Variants in UNC13C observed in about 807,000 individuals in gnomAD.
The protein encoded by UNC13C is protein unc-13 homolog C.
Under a neutral mutation model 245.4 loss-of-function variants are expected in UNC13C, and 174 were observed. The ratio of observed to expected loss-of-function variants is 0.71; its 90% confidence interval spans 0.63 to 0.80. The LOEUF (loss-of-function observed/expected upper bound fraction) is 0.80, where lower values mean the gene tolerates loss of function less well. Among genes scored for constraint, UNC13C ranks in the 30% least tolerant of loss-of-function variants. The pLI, the probability that UNC13C is intolerant of heterozygous loss-of-function variation, is 0.00. For synonymous variants in UNC13C, 992 were observed against 895.1 expected (o/e 1.11, Z -1.93); for missense variants, 2,829 against 2,602.9 (o/e 1.09, Z -1.89).
At chr15:53,871,028 T>C in the UNC13C span, among the ~76,000 whole-genome samples, 1 of 152,208 alleles carries the variant, frequency 6.6e-6, no homozygotes, top group Non-Finnish European at 1.5e-5. Context: ...CCAGTCATGT[T>C]GTGCTCTAAT....
At chr15:54,504,980 A>G (rs771953187) in intron 22 of UNC13C, among the ~76,000 whole-genome samples, 5 of 152,150 alleles carry the variant, frequency 3.3e-5, no homozygotes, top group Non-Finnish European at 7.3e-5. Flanking sequence ...AAGATATTTC[A>G]GTCACCCTGT....
Position 54,163,049 on chromosome 15 carries a change from C to T in UNC13C, c.3071+19365C>T, listed in dbSNP as rs192396959. On this transcript the variant is annotated intron_variant, in intron 4 of 32. Transcript: ENST00000260323. Reference sequence around the variant, plus strand: ...AGCATAATGGCCCTGCAAAGATGTCCGCATCCTAATTCCTGGAACCTGTGA... The same window carrying T: ...AGCATAATGGCCCTGCAAAGATGTCTGCATCCTAATTCCTGGAACCTGTGA... 2.6e-4 allele frequency among the ~76,000 whole-genome samples: 39 copies of T among 152,204 alleles called. 1 individual carries two copies. The highest frequency in any genetic ancestry group is 4.6e-4 in the Admixed American group (7 of 15,282).
rs181675837 is a variant in UNC13C at position 54,257,308 on chromosome 15, T to C, written c.3449-6860T>C. ...ATAATTAATTTGTTCCCCTAAACAA[T>C]ATAGATAGCTTTTGACTCTGTGATG... On this transcript the variant is annotated intron_variant, in intron 8 of 32. Transcript: ENST00000260323. 1.4e-4 allele frequency among the ~76,000 whole-genome samples: 21 copies of C among 152,330 alleles called. No homozygotes were observed. The East Asian group carries it at 3.3e-3, about 24-fold the overall frequency.
At chr15:54,538,857 C>T (rs554732222) in intron 26 of UNC13C, among the ~76,000 whole-genome samples, 3 of 151,786 alleles carry the variant, frequency 2.0e-5, no homozygotes, top group African/African-American at 4.8e-5. Flanking sequence ...GAGTGGAGGG[C>T]GGGAGGAGGG....
At position 54,130,881 on chromosome 15, in the gene UNC13C, A is replaced by G. The variant is rs115317879; in HGVS notation, c.2984-12137A>G. ...ATAGCTTTTCTTGTTTACAGATTCT[A>G]TTGTACCTGGGTTTACCACTACTGT... On this transcript the variant is annotated intron_variant, in intron 2 of 32. Transcript: ENST00000260323. Among the ~76,000 whole-genome samples the G allele has an allele frequency of 5.7e-3, 865 of 152,222 alleles. 7 individuals carry two copies. The highest frequency in any genetic ancestry group is 0.02 in the African/African-American group (825 of 41,530).
chr15:53,839,142 G>A, the UNC13C span, among the ~76,000 whole-genome samples: 1 of 151,854 alleles, frequency 6.6e-6, no homozygotes, highest in African/African-American at 2.4e-5. Flanking sequence ...TATATGGGCA[G>A]GTGTGTGTGT....
At chr15:53,887,451 T>G in the UNC13C span, among the ~76,000 whole-genome samples, 1 of 152,210 alleles carries the variant, frequency 6.6e-6, no homozygotes. Flanking sequence ...CATTTTTTAC[T>G]GCTTATCCTC....
intron 14 of UNC13C, among the ~76,000 whole-genome samples, chr15:54,324,530 T>G (rs1567187742): frequency 6.6e-6 from 1 of 152,040 alleles, no homozygotes; most frequent in Non-Finnish European, 1.5e-5. Flanking sequence ...ACAGAAGAGA[T>G]GCAAGCAAAG....
At chr15:54,523,218 A>G (rs534389516) in intron 24 of UNC13C, among the ~76,000 whole-genome samples, 1 of 152,292 alleles carries the variant, frequency 6.6e-6, no homozygotes, top group Non-Finnish European at 1.5e-5. Context: ...CTACCTAAAG[A>G]GATTGTTTTA....
At chr15:54,331,919 G>A in intron 14 of UNC13C, 124 bp from the exon 15 acceptor site, 2 of 587,952 alleles carry the variant, frequency 3.4e-6, no homozygotes, top group Non-Finnish European at 5.6e-6. Context: ...TTATGATCTT[G>A]GACAAGTCAT....
intron 19 of UNC13C, among the ~76,000 whole-genome samples, chr15:54,423,977 A>G (rs2040705491): frequency 6.6e-6 from 1 of 151,878 alleles, no homozygotes; most frequent in South Asian, 2.1e-4. Flanking sequence ...ATTAGTTTAG[A>G]AAATTTCATT....
At chr15:54,394,149 A>G (rs931929342) in intron 18 of UNC13C, among the ~76,000 whole-genome samples, 1 of 151,916 alleles carries the variant, frequency 6.6e-6, no homozygotes, top group African/African-American at 2.4e-5. Context: ...GTTCAGTCCA[A>G]TTAAAATTCC....
intron 10 of UNC13C, among the ~76,000 whole-genome samples, chr15:54,288,339 C>T (rs2037203029): frequency 6.6e-6 from 1 of 152,076 alleles, no homozygotes; most frequent in Admixed American, 6.6e-5. Context: ...AGTGCCTACA[C>T]TCAAGGGTGA....
intron 2 of UNC13C, among the ~76,000 whole-genome samples, chr15:54,142,257 A>G (rs17732682): frequency 0.048 from 7,329 of 152,222 alleles, 307 homozygotes; most frequent in African/African-American, 0.11. Flanking sequence ...TGTTGGCCCT[A>G]TGATTTATCT....
At chr15:54,304,534 C>T (rs980104318) in intron 13 of UNC13C, among the ~76,000 whole-genome samples, 2 of 151,790 alleles carry the variant, frequency 1.3e-5, no homozygotes, top group African/African-American at 4.8e-5. Context: ...CGTTTCCTCC[C>T]AGCCCTTGCA....
intron 2 of UNC13C, among the ~76,000 whole-genome samples, chr15:54,086,173 A>G (rs1057043726): frequency 2.0e-5 from 3 of 152,168 alleles, no homozygotes; most frequent in African/African-American, 7.2e-5. Flanking sequence ...CATTTGGTCT[A>G]TCTAGCTGTA....
chr15:54,340,929 G>A (rs536295528), intron 17 of UNC13C, among the ~76,000 whole-genome samples: 2 of 152,174 alleles, frequency 1.3e-5, no homozygotes, highest in East Asian at 3.9e-4. Flanking sequence ...CATTCAGAAT[G>A]GCTATTATTA....
At chr15:54,442,294 A>G (rs1222426059) in intron 19 of UNC13C, among the ~76,000 whole-genome samples, 1 of 134,542 alleles carries the variant, frequency 7.4e-6, no homozygotes, top group African/African-American at 2.8e-5. Context: ...TCTGTTGCCC[A>G]GGCTGGAGTG....
intron 19 of UNC13C, among the ~76,000 whole-genome samples, chr15:54,422,635 A>C (rs1209043670): frequency 6.6e-6 from 1 of 151,808 alleles, no homozygotes; most frequent in African/African-American, 2.4e-5. Flanking sequence ...CAGGGCATTC[A>C]TATTTGCTTG....
Sources: allele counts gnomAD v4.1 joint callset (sites outside exome capture counted in the v4.1 genomes callset), GRCh38; gene constraint gnomAD v4.1.1; transcripts MANE v1.5; gene names NCBI Gene and HGNC (gene_info 2026-07-23, HGNC 2026-07-21).